FAF1: variants seen among roughly 807,000 people sequenced by gnomAD.
FAF1 encodes Fas associated factor 1.
FAF1 carries 25 observed loss-of-function variants against 92.5 expected under a neutral mutation model. The ratio of observed to expected loss-of-function variants is 0.27; its 90% CI spans 0.20 to 0.38. FAF1 has a LOEUF of 0.38. Among genes scored for constraint, FAF1 ranks in the 10% least tolerant of loss-of-function variants. FAF1 has a pLI of 1.00. For missense variants in FAF1, 636 were observed against 793.3 expected, an observed-to-expected ratio of 0.80 and a Z score of 2.38; for synonymous variants, 234 against 273.2, an observed-to-expected ratio of 0.86 and a Z score of 1.42.
chr1:50,630,817 G>A (rs993323497), intron 8 of FAF1, among the ~76,000 whole-genome samples: 1 of 142,896 alleles, frequency 7.0e-6, no homozygotes, highest in Non-Finnish European at 1.5e-5. Context: ...TACATATCTA[G>A]TGTATCATAT....
At chr1:50,855,061 G>C (rs774206565) in intron 2 of FAF1, among the ~76,000 whole-genome samples, 36 of 151,682 alleles carry the variant, frequency 2.4e-4, no homozygotes, top group Non-Finnish European at 4.9e-4. Context: ...TTGGATTAGC[G>C]ATACTAATAT....
intron 6 of FAF1, among the ~76,000 whole-genome samples, chr1:50,713,639 A>G (rs114745413): frequency 0.031 from 4,714 of 151,566 alleles, 109 homozygotes; most frequent in Non-Finnish European, 0.049. Flanking sequence ...AGAACCTTTT[A>G]AAAAAAAACA....
Position 50,686,885 on chromosome 1 carries a change from G to A in FAF1, c.657+18901C>T, listed in dbSNP as rs144660505. ...ATTCTGTCGCCCACGCTGGAGTGCAGTGGCGCGATCTTGGCTCACTGCAAC... is the reference window on the plus strand; with the variant it reads ...ATTCTGTCGCCCACGCTGGAGTGCAATGGCGCGATCTTGGCTCACTGCAAC... On this transcript the variant is annotated intron_variant, in intron 7 of 18. Transcript: ENST00000396153. Among the ~76,000 whole-genome samples the A allele has an allele frequency of 7.7e-3, 1,173 of 152,178 alleles. 14 individuals carry two copies. Among genetic ancestry groups the A allele is most frequent in the African/African-American group, 0.027 (1,133 of 41,516 alleles).
At chr1:50,906,076 C>T (rs767496862) in intron 1 of FAF1, among the ~76,000 whole-genome samples, 30 of 152,146 alleles carry the variant, frequency 2.0e-4, no homozygotes, top group Non-Finnish European at 3.5e-4. Flanking sequence ...GGAAGGGATC[C>T]AGTTTCAGCT....
intron 6 of FAF1, among the ~76,000 whole-genome samples, chr1:50,723,706 G>A (rs1658508240): frequency 6.6e-6 from 1 of 152,028 alleles, no homozygotes; most frequent in Non-Finnish European, 1.5e-5. Context: ...GAGGCCAGAA[G>A]TTCAAGACCA....
intron 1 of FAF1, among the ~76,000 whole-genome samples, chr1:50,890,747 G>A (rs1367088886): frequency 6.6e-6 from 1 of 152,282 alleles, no homozygotes; most frequent in African/African-American, 2.4e-5. Context: ...AGTCTGATGG[G>A]CTTCCCTTTG....
At chr1:50,927,798 T>C (rs967052918) in intron 1 of FAF1, among the ~76,000 whole-genome samples, 4 of 152,188 alleles carry the variant, frequency 2.6e-5, no homozygotes, top group South Asian at 4.1e-4. Flanking sequence ...TTCTGGGGCC[T>C]CTCTTCTTGG....
intron 1 of FAF1, among the ~76,000 whole-genome samples, chr1:50,871,212 T>G (rs1644525325): frequency 6.6e-6 from 1 of 152,162 alleles, no homozygotes; most frequent in Non-Finnish European, 1.5e-5. Flanking sequence ...CTCAAGAAGT[T>G]CAAGGAAGGA....
intron 1 of FAF1, among the ~76,000 whole-genome samples, chr1:50,909,706 G>A (rs1243956474): frequency 2.0e-5 from 3 of 152,160 alleles, no homozygotes; most frequent in Admixed American, 2.0e-4. Context: ...TAGTTCTCAT[G>A]CCATGGTTTT....
chr1:50,549,390 G>C (rs552033603), intron 13 of FAF1, among the ~76,000 whole-genome samples: 1 of 152,130 alleles, frequency 6.6e-6, no homozygotes, highest in Admixed American at 6.5e-5. Context: ...CTCACGGAAG[G>C]CTTGAACTCC....
intron 8 of FAF1, among the ~76,000 whole-genome samples, chr1:50,623,021 C>T (rs1339511648): frequency 6.6e-6 from 1 of 152,088 alleles, no homozygotes; most frequent in Non-Finnish European, 1.5e-5. Context: ...CCCTAGGGCT[C>T]ACTAATATCA....
chr1:50,850,925 T>C (rs2124657470), intron 2 of FAF1, among the ~76,000 whole-genome samples: 1 of 152,310 alleles, frequency 6.6e-6, no homozygotes, highest in Admixed American at 6.5e-5. Flanking sequence ...TATTTACAGG[T>C]GTGCTAAACC....
At chr1:50,680,589 A>C (rs1656377514) in intron 7 of FAF1, among the ~76,000 whole-genome samples, 1 of 152,082 alleles carries the variant, frequency 6.6e-6, no homozygotes, top group Non-Finnish European at 1.5e-5. Flanking sequence ...AGGCTGAGGC[A>C]GGAGAATCAC....
At chr1:50,590,978 TC>T (rs1268503247) in intron 9 of FAF1, among the ~76,000 whole-genome samples, 15 of 147,746 alleles carry the variant, frequency 1.0e-4, no homozygotes, top group Non-Finnish European at 1.2e-4. Flanking sequence ...CGAGACTCTG[TC>T]TCCAAAAAAA....
chr1:50,836,990 C>G, intron 2 of FAF1, among the ~76,000 whole-genome samples: 1 of 109,458 alleles, frequency 9.1e-6, no homozygotes, highest in South Asian at 3.1e-4. Flanking sequence ...TGGAGTCTTG[C>G]TCTGTCGCCC....
At chr1:50,815,943 C>G (rs1200524178) in intron 2 of FAF1, among the ~76,000 whole-genome samples, 1 of 151,190 alleles carries the variant, frequency 6.6e-6, no homozygotes, top group Non-Finnish European at 1.5e-5. Flanking sequence ...AGGAGAATCG[C>G]TTGAACCTGG....
At chr1:50,695,812 C>T (rs559766579) in intron 7 of FAF1, among the ~76,000 whole-genome samples, 2 of 152,212 alleles carry the variant, frequency 1.3e-5, no homozygotes, top group South Asian at 2.1e-4. Flanking sequence ...CCACACCTGG[C>T]TAATTTTTGT....
intron 1 of FAF1, among the ~76,000 whole-genome samples, chr1:50,887,924 G>A (rs1269546022): frequency 3.9e-5 from 6 of 152,284 alleles, no homozygotes; most frequent in Non-Finnish European, 7.3e-5. Flanking sequence ...GAAAGTCATT[G>A]GTAGCTTGAT....
intron 15 of FAF1, among the ~76,000 whole-genome samples, chr1:50,530,545 A>T (rs1164551527): frequency 6.6e-6 from 1 of 152,010 alleles, no homozygotes; most frequent in Non-Finnish European, 1.5e-5. Context: ...AAAGAATAGA[A>T]AGAATGAATA....
Sources: gnomAD v4.1 joint callset for allele counts (sites outside exome capture counted in the v4.1 genomes callset) on GRCh38, gnomAD v4.1.1 for gene constraint, MANE v1.5 for transcripts, NCBI Gene and HGNC (gene_info 2026-07-23, HGNC 2026-07-21) for gene names.